The following OPRM1 variants were observed in gnomAD, a reference collection of about 807,000 sequenced individuals.
The protein encoded by OPRM1 is opioid receptor mu 1, also known as mu-type opioid receptor.
OPRM1 carries 27 observed loss-of-function variants against 31.8 expected under a neutral mutation model. The observed-to-expected ratio is 0.85, with a 90% CI of 0.63 to 1.17. The LOEUF is 1.17. Among genes scored for constraint, OPRM1 ranks in the 50% most tolerant of loss-of-function variants. The pLI is 0.00. For missense variants in OPRM1, 536 were observed against 511.1 expected, an observed-to-expected ratio of 1.05 and a Z score of -0.47; for synonymous variants, 196 against 189.9, an observed-to-expected ratio of 1.03 and a Z score of -0.26.
chr6:154,108,402 G>A (rs143760044), intron 3 of OPRM1: 2 of 164,508 alleles, frequency 1.2e-5, no homozygotes, highest in African/African-American at 4.8e-5. Context: ...TGGAAGGGTG[G>A]GGAAGGTGAA....
chr6:154,236,912 G>C (rs1405094971), intron 3 of OPRM1, among the ~76,000 whole-genome samples: 2 of 152,136 alleles, frequency 1.3e-5, no homozygotes, highest in African/African-American at 4.8e-5. Context: ...CCTTTTCCTT[G>C]CATCTTTTTT....
intron 3 of OPRM1, among the ~76,000 whole-genome samples, chr6:154,220,361 C>G (rs1310372143): frequency 6.6e-6 from 1 of 152,220 alleles, no homozygotes; most frequent in Non-Finnish European, 1.5e-5. Context: ...CAGCCTGATT[C>G]AAACAGCCAT....
downstream of OPRM1, among the ~76,000 whole-genome samples, chr6:154,133,300 T>C (rs1797977320): frequency 2.6e-5 from 4 of 152,214 alleles, no homozygotes; most frequent in Admixed American, 2.6e-4. Flanking sequence ...ACAGTTTTTA[T>C]CTTGTCCTTC....
chr6:154,065,341 G>A (rs563596425), intron 1 of OPRM1, among the ~76,000 whole-genome samples: 2 of 151,668 alleles, frequency 1.3e-5, no homozygotes, highest in Non-Finnish European at 2.9e-5. Flanking sequence ...GTAGAGTTGG[G>A]GTTTCACCAT....
At position 154,120,179 on chromosome 6, in the gene OPRM1, G is replaced by C. The variant is rs1012247848; in HGVS notation, c.*1458G>C. Among the ~76,000 whole-genome samples, 2 of 152,116 alleles carry C rather than the reference G, an allele frequency of 1.3e-5. No homozygotes were observed. Among genetic ancestry groups the C allele is most frequent in the Non-Finnish European group, 2.9e-5 (2 of 68,006 alleles). ...AGGCTGCTGACTTCTGAGTATTCCT[G>C]AGCCTACAATTGTAAAATTGTAGAC... On this transcript the variant is annotated 3_prime_UTR_variant, in exon 4 of 4. Transcript: ENST00000330432.
At chr6:154,209,872 T>G (rs892991083) in intron 3 of OPRM1, among the ~76,000 whole-genome samples, 2 of 152,294 alleles carry the variant, frequency 1.3e-5, no homozygotes, top group Admixed American at 1.3e-4. Flanking sequence ...CCAATATATT[T>G]CTTTAGAAAA....
chr6:154,036,339 C>A (rs1779295897), upstream of OPRM1, among the ~76,000 whole-genome samples: 3 of 152,010 alleles, frequency 2.0e-5, no homozygotes, highest in South Asian at 2.1e-4. Flanking sequence ...GAAGGACATG[C>A]AATGATAACC....
chr6:154,065,161 T>C (rs1431584243), intron 1 of OPRM1, among the ~76,000 whole-genome samples: 1 of 150,912 alleles, frequency 6.6e-6, no homozygotes, highest in Non-Finnish European at 1.5e-5. Flanking sequence ...TTTTTTTTTT[T>C]TTTTTTTTAG....
Position 154,123,252 on chromosome 6 carries a change from G to A in OPRM1, c.*4531G>A, listed in dbSNP as rs1277978511. 6.6e-6 allele frequency among the ~76,000 whole-genome samples: 1 copy of A among 152,122 alleles called. No homozygotes were observed. Among genetic ancestry groups the A allele is most frequent in the Non-Finnish European group, 1.5e-5 (1 of 68,016 alleles). On this transcript the variant is annotated 3_prime_UTR_variant, in exon 4 of 4. Coordinates refer to ENST00000330432, the MANE Select transcript of OPRM1 (RefSeq NM_000914.5). ...AGCTTCTCTTGTTGTATAATTGTGGGTTTGTTTTAAGTAAGCCACTTTCCT... is the reference window on the plus strand; with the variant it reads ...AGCTTCTCTTGTTGTATAATTGTGGATTTGTTTTAAGTAAGCCACTTTCCT...
intron 1 of OPRM1, among the ~76,000 whole-genome samples, chr6:154,026,384 G>C (rs1778697890): frequency 6.6e-6 from 1 of 151,738 alleles, no homozygotes; most frequent in Non-Finnish European, 1.5e-5. Context: ...TTGACATTTG[G>C]GAGTTTGATT....
At chr6:154,158,065 A>C (rs1413749438) in intron 3 of OPRM1, 2 of 152,102 alleles carry the variant, frequency 1.3e-5, no homozygotes, top group Non-Finnish European at 2.9e-5. Context: ...TTTTGTTTTT[A>C]TTTCTTAATG....
intron 3 of OPRM1, among the ~76,000 whole-genome samples, chr6:154,235,701 C>A (rs1780076573): frequency 6.6e-6 from 1 of 152,060 alleles, no homozygotes. Context: ...TTAAAATACA[C>A]CACCACCACC....
chr6:154,085,352 T>A (rs1285920966), intron 1 of OPRM1, among the ~76,000 whole-genome samples: 1 of 152,122 alleles, frequency 6.6e-6, no homozygotes, highest in Non-Finnish European at 1.5e-5. Flanking sequence ...CTCTAATGGG[T>A]CAAACATCGA....
At chr6:154,105,272 A>C (rs1583568116) in intron 3 of OPRM1, among the ~76,000 whole-genome samples, 1 of 152,220 alleles carries the variant, frequency 6.6e-6, no homozygotes, top group East Asian at 1.9e-4. Flanking sequence ...TCAACTGTTA[A>C]AAGCTGTAAA....
chr6:154,182,960 C>T (rs1039455149), intron 3 of OPRM1, among the ~76,000 whole-genome samples: 2 of 151,676 alleles, frequency 1.3e-5, no homozygotes, highest in Admixed American at 6.6e-5. Flanking sequence ...GAAGGCTGAA[C>T]AAATAAATGC....
chr6:154,187,227 T>A (rs1801454771), intron 3 of OPRM1, among the ~76,000 whole-genome samples: 1 of 151,760 alleles, frequency 6.6e-6, no homozygotes, highest in South Asian at 2.1e-4. Context: ...CAATGTAAAA[T>A]CACACACCCC....
At chr6:154,185,956 C>G (rs772545773) in intron 3 of OPRM1, among the ~76,000 whole-genome samples, 29 of 152,218 alleles carry the variant, frequency 1.9e-4, no homozygotes. Context: ...AATAACGACC[C>G]TTTTGGTTCC....
chr6:154,051,477 T>G, intron 1 of OPRM1, among the ~76,000 whole-genome samples: 1 of 152,252 alleles, frequency 6.6e-6, no homozygotes, highest in East Asian at 1.9e-4. Context: ...TATAGTTAGA[T>G]GCATATAAGA....
intron 3 of OPRM1, among the ~76,000 whole-genome samples, chr6:154,225,321 G>A (rs1779167209): frequency 6.6e-6 from 1 of 152,170 alleles, no homozygotes; most frequent in Non-Finnish European, 1.5e-5. Context: ...ACTCACAACA[G>A]CCAAAAGGTA....
Sources: allele counts gnomAD v4.1 joint callset (sites outside exome capture counted in the v4.1 genomes callset), GRCh38; gene constraint gnomAD v4.1.1; transcripts MANE v1.5; gene names NCBI Gene and HGNC (gene_info 2026-07-23, HGNC 2026-07-21).